EXD1: variants seen among roughly 807,000 people sequenced by gnomAD.
The protein encoded by EXD1 is exonuclease 3'-5' domain containing 1.
Under a neutral mutation model 49.1 loss-of-function variants are expected in EXD1, and 63 were observed. The observed-to-expected ratio is 1.28, with a 90% CI of 1.05 to 1.58. EXD1 has a LOEUF of 1.58. EXD1 is among the 40% of genes most tolerant of loss of function. The pLI, the probability that EXD1 is intolerant of heterozygous loss-of-function variation, is 0.00. For missense variants in EXD1, 748 were observed against 666.0 expected (o/e 1.12, Z -1.36); for synonymous variants, 234 against 239.2 (o/e 0.98, Z 0.20).
chr15:41,218,771 G>C (rs977446065), intron 3 of EXD1, among the ~76,000 whole-genome samples: 1 of 152,180 alleles, frequency 6.6e-6, no homozygotes, highest in Admixed American at 6.6e-5. Flanking sequence ...TCAAGGGACA[G>C]AGTGTTCATG....
chr15:41,205,229 T>C (rs8039934), intron 7 of EXD1, among the ~76,000 whole-genome samples: 40,468 of 152,110 alleles, frequency 0.27, 7,182 homozygotes, highest in African/African-American at 0.5. Flanking sequence ...CCCTGCATCT[T>C]GCAGCTTCCA....
At chr15:41,224,466 C>T (rs2047132867) in intron 2 of EXD1, among the ~76,000 whole-genome samples, 1 of 152,088 alleles carries the variant, frequency 6.6e-6, no homozygotes, top group Non-Finnish European at 1.5e-5. Flanking sequence ...CAATGATGAA[C>T]TTGAAACTTA....
Position 41,226,456 on chromosome 15 carries a change from A to G in EXD1, c.120T>C (p.Val40=), listed in dbSNP as rs2047165960. 6.5e-7 allele frequency: 1 copy of G among 1,536,032 alleles called. No individual in the cohort carries two copies. Among genetic ancestry groups the G allele is most frequent in the Non-Finnish European group, 8.7e-7 (1 of 1,146,878 alleles). The stretch of plus-strand genomic sequence containing the variant: ...ATAGAACAAGACCTTTCTTCAGGAC[A>G]ACAATCTTATTAGGGTCAACATGCT... The part of the protein sequence containing the change: ...VLQHVDPNKI[V]VLKKVKNVET... The change falls in exon 2 of 12, where the codon GTT becomes GTC. Residue 40 remains valine, a synonymous_variant. Coordinates refer to ENST00000458580, the MANE Select transcript of EXD1 (RefSeq NM_001286441.2).
chr15:41,230,394 T>A, intron 1 of EXD1, 85 bp downstream of exon 1: 4 of 1,472,542 alleles, frequency 2.7e-6, no homozygotes, highest in Non-Finnish European at 3.8e-6. Context: ...ACCTTTTTAA[T>A]CAAAACAAAC....
In EXD1 at chr15:41,229,664, A is replaced by C. The variant is rs565471277; in HGVS notation, c.-54+815T>G. Among the ~76,000 whole-genome samples the C allele has an allele frequency of 1.3e-3, 199 of 152,244 alleles. 1 individual carries two copies. The South Asian group carries it at 0.019, about 15-fold the overall frequency. ...ATGCCTGTAACCCCAGCTACTAGGG[A>C]GTCTGAGGCAGGAGAATCGCTTGAA... On this transcript the variant is annotated intron_variant, in intron 1 of 11. Coordinates refer to ENST00000458580, the MANE Select transcript of EXD1 (RefSeq NM_001286441.2).
rs2046890375 is a variant in EXD1, at chr15:41,209,568, T to C, written c.467A>G (p.Gln156Arg). Residue 156 changes from glutamine to arginine, a missense_variant, in exon 7 of 12, where the codon CAG becomes CGG. Gln to Arg is a conservative substitution (Grantham distance 43). Transcript: ENST00000458580. ...TTCTGCTGCCACACTCAGGACATTC[T>C]GCTTCTTGATATGGAGTATCTGGTA... ...FGAAILHIKK[Q>R]NVLSVAAEGA... 1.2e-6 allele frequency: 2 copies of C among 1,614,182 alleles called. No homozygotes were observed. Among genetic ancestry groups the C allele is most frequent in the Non-Finnish European group, 1.7e-6 (2 of 1,180,022 alleles).
intron 3 of EXD1, among the ~76,000 whole-genome samples, chr15:41,217,358 C>T (rs182533256): frequency 1.2e-4 from 19 of 152,248 alleles, no homozygotes; most frequent in Admixed American, 1.2e-3. Context: ...TATTCTATCC[C>T]TACAAAGCTT....
chr15:41,196,682 C>T lies in EXD1; in HGVS notation c.535-645G>A, dbSNP rs184393247. 6.9e-4 allele frequency among the ~76,000 whole-genome samples: 104 copies of T among 151,800 alleles called. 2 individuals are homozygous for T. The highest frequency in any genetic ancestry group is 2.1e-3 in the African/African-American group (86 of 41,402). On this transcript the variant is annotated intron_variant, in intron 7 of 11. Coordinates refer to ENST00000458580, the MANE Select transcript of EXD1 (RefSeq NM_001286441.2). ...CTGACCTCAGGTGATCTACACACCT[C>T]GGCCTCCCAAAGTGCTGGGATTACA...
At chr15:41,193,574 TAAA>T (rs1024769004) in intron 9 of EXD1, among the ~76,000 whole-genome samples, 1 of 151,948 alleles carries the variant, frequency 6.6e-6, no homozygotes, top group Non-Finnish European at 1.5e-5. Context: ...CCCCATATCT[TAAA>T]AAAATTTTAA....
At chr15:41,210,108 T>TGTA (rs2046898473) in intron 6 of EXD1, among the ~76,000 whole-genome samples, 1 of 152,078 alleles carries the variant, frequency 6.6e-6, no homozygotes, top group Non-Finnish European at 1.5e-5. Context: ...AATGACAGGG[T>TGTA]GTCACTATGT....
Position 41,216,815 on chromosome 15 carries a change from T to C in EXD1, c.261-20A>G, listed in dbSNP as rs1165021127. 5.6e-6 allele frequency: 9 copies of C among 1,611,106 alleles called. No homozygotes were observed. Among genetic ancestry groups the C allele is most frequent in the Non-Finnish European group, 7.6e-6 (9 of 1,179,436 alleles). On this transcript the variant is annotated intron_variant, in intron 4 of 11. Transcript: ENST00000458580. The stretch of plus-strand genomic sequence containing the variant: ...TGTAGACTATCCTTACAAGAAACAA[T>C]ATTTGGGTGAACTTGTTCTTTGTTG...
chr15:41,184,121 A>G lies in EXD1; in HGVS notation c.1529T>C (p.Met510Thr). The part of the protein sequence containing the change: ...SLKEETEQLL[M>T]VENKEDLKCT... ...TTTTAAATCTTCCTTGTTTTCCACC[A>G]TCAATAACTGTTCTGTCTCCTCTTT... The change falls in exon 12 of 12, where the codon ATG (methionine) becomes ACG (threonine). Residue 510 changes from methionine (M) to threonine (T), a missense_variant. Transcript: ENST00000458580. 10 of 1,614,232 alleles carry G rather than the reference A, an allele frequency of 6.2e-6. No individual in the cohort carries two copies. Among genetic ancestry groups the G allele is most frequent in the Non-Finnish European group, 8.5e-6 (10 of 1,180,044 alleles).
rs764879151 is a variant in EXD1, at chr15:41,216,710, G to C, written c.346C>G (p.Pro116Ala). Reference protein sequence around the residue: ...CEPASPAPEAPATSLLNDLKY... With the variant: ...CEPASPAPEAAATSLLNDLKY... ...AGGTCATTCAGCAGAGAGGTAGCTG[G>C]TGCTTCAGGGGCAGGAGAAGCAGGC... The change falls in exon 5 of 12, where the codon CCA becomes GCA. Residue 116 changes from proline (P) to alanine (A), a missense_variant. Coordinates refer to ENST00000458580, the MANE Select transcript of EXD1 (RefSeq NM_001286441.2). 2 of 1,613,490 alleles carry C rather than the reference G, an allele frequency of 1.2e-6. No homozygotes were observed. Among genetic ancestry groups the C allele is most frequent in the Non-Finnish European group, 1.7e-6 (2 of 1,180,014 alleles).
chr15:41,199,746 A>ATG (rs2140849269), intron 7 of EXD1, among the ~76,000 whole-genome samples: 2 of 68,228 alleles, frequency 2.9e-5, no homozygotes, highest in Admixed American at 2.0e-4. Context: ...TATGTCATAT[A>ATG]TTATATATGA....
At chr15:41,188,717 T>C (rs1483617239) in intron 11 of EXD1, among the ~76,000 whole-genome samples, 1 of 151,856 alleles carries the variant, frequency 6.6e-6, no homozygotes, top group Non-Finnish European at 1.5e-5. Flanking sequence ...GAGACAGTCA[T>C]TGTTAATATT....
chr15:41,222,602 CTATT>C (rs1380291869), intron 2 of EXD1, among the ~76,000 whole-genome samples: 1 of 151,452 alleles, frequency 6.6e-6, no homozygotes. Flanking sequence ...ACCTGTCTAC[CTATT>C]TGTCTATTTA....
At position 41,211,257 on chromosome 15, in the gene EXD1, C is replaced by T. The variant is rs554280089; in HGVS notation, c.448-1670G>A. Among the ~76,000 whole-genome samples, 7 of 151,942 alleles carry T rather than the reference C, an allele frequency of 4.6e-5. No homozygotes were observed. The East Asian group carries it at 1.2e-3, about 25-fold the overall frequency. On this transcript the variant is annotated intron_variant, in intron 6 of 11. Coordinates refer to ENST00000458580, the MANE Select transcript of EXD1 (RefSeq NM_001286441.2). ...CTCCCGGGTAGCTGAAACTACAGAC[C>T]TGTGCCACCATGCCCAGCTAATTTT... is the stretch of plus-strand genomic sequence containing the variant.
intron 6 of EXD1, among the ~76,000 whole-genome samples, chr15:41,212,168 G>A (rs1009740674): frequency 3.3e-5 from 5 of 152,096 alleles, no homozygotes; most frequent in East Asian, 3.9e-4. Flanking sequence ...AAATTGGAAC[G>A]GCTGGGCACA....
intron 7 of EXD1, among the ~76,000 whole-genome samples, chr15:41,199,082 C>A (rs547336342): frequency 6.6e-6 from 1 of 152,202 alleles, no homozygotes; most frequent in East Asian, 1.9e-4. Flanking sequence ...GCCTCAGCCT[C>A]CCAAGTAGCT....
Sources: gnomAD v4.1 joint callset for allele counts (sites outside exome capture counted in the v4.1 genomes callset) on GRCh38, gnomAD v4.1.1 for gene constraint, MANE v1.5 for transcripts, NCBI Gene and HGNC (gene_info 2026-07-23, HGNC 2026-07-21) for gene names.